Variants in DNAH17 observed in about 807,000 individuals in gnomAD.
The protein encoded by DNAH17 is dynein axonemal heavy chain 17, also known as axonemal beta dynein heavy chain 17.
Under a neutral mutation model 485.6 loss-of-function variants are expected in DNAH17, and 376 were observed. That is an observed-to-expected ratio of 0.77 (90% confidence interval 0.71 to 0.84). The LOEUF (loss-of-function observed/expected upper bound fraction) is 0.84. Ranked by LOEUF, DNAH17 falls within the 40% of genes least tolerant of loss-of-function variation. DNAH17 has a pLI of 0.00. For synonymous variants in DNAH17, 3,031 were observed against 2,405.9 expected (o/e 1.26, Z -7.60); for missense variants, 6,370 against 5,839.3 (o/e 1.09, Z -2.96).
At chr17:78,491,695 G>T (rs2089865384) in intron 42 of DNAH17, 125 bp from the exon 43 acceptor site, 11 of 1,417,938 alleles carry the variant, frequency 7.8e-6, no homozygotes, top group Non-Finnish European at 9.3e-6. Flanking sequence ...GAACAGCAGA[G>T]GCCCTCGGGC....
intron 56 of DNAH17, among the ~76,000 whole-genome samples, chr17:78,465,396 CT>C (rs1473916287): frequency 1.4e-5 from 2 of 143,434 alleles, no homozygotes; most frequent in Admixed American, 1.4e-4. Context: ...CGCCCATCAT[CT>C]GGGATGTGAG....
intron 56 of DNAH17, among the ~76,000 whole-genome samples, chr17:78,463,650 G>T (rs990251415): frequency 2.0e-5 from 3 of 152,256 alleles, no homozygotes; most frequent in Non-Finnish European, 2.9e-5. Context: ...ACAAGGCTGA[G>T]AATGTGTTTT....
intron 50 of DNAH17, 130 bp downstream of exon 50, chr17:78,479,355 T>A: frequency 8.0e-7 from 1 of 1,253,106 alleles, no homozygotes; most frequent in Non-Finnish European, 1.1e-6. Context: ...TGTCGAAACA[T>A]AGCATCGTTT....
At position 78,506,822 on chromosome 17, in the gene DNAH17, C is replaced by G; in HGVS notation, c.4701G>C (p.Leu1567Phe). The G allele has an allele frequency of 1.2e-6, 2 of 1,613,950 alleles. No individual in the cohort carries two copies. Among genetic ancestry groups the G allele is most frequent in the Non-Finnish European group, 1.7e-6 (2 of 1,179,860 alleles). Residue 1567 changes from leucine to phenylalanine, a missense_variant, in exon 30 of 81, where the codon TTG (leucine) becomes TTC (phenylalanine). Leu to Phe is a conservative substitution (Grantham distance 22, BLOSUM62 0). Coordinates refer to ENST00000389840, the MANE Select transcript of DNAH17 (RefSeq NM_173628.4). ...GTCTTTTCGTCTCTAAATACTCTGC[C>G]AAAGCCTTTTCACAGATGGCCAAGC... is the stretch of plus-strand genomic sequence containing the variant. The part of the protein sequence containing the change: ...KKSLAICEKA[L>F]AEYLETKRLA...
At chr17:78,466,496 G>A (rs564693673) in intron 56 of DNAH17, among the ~76,000 whole-genome samples, 159 bp downstream of exon 56, 1 of 152,302 alleles carries the variant, frequency 6.6e-6, no homozygotes, top group East Asian at 1.9e-4. Context: ...TTATCTTGAT[G>A]CCTGAGTTTC....
chr17:78,483,701 T>A (rs6501218), intron 48 of DNAH17, among the ~76,000 whole-genome samples: 113,788 of 151,548 alleles, frequency 0.75, 42,849 homozygotes, highest in Admixed American at 0.82. Context: ...TCAAGTAGAC[T>A]ACCTAACCCC....
chr17:78,496,711 G>C (rs1469527120), intron 37 of DNAH17: 1 of 125,466 alleles, frequency 8.0e-6, no homozygotes, highest in Non-Finnish European at 1.6e-5. Context: ...TCACTCTGTT[G>C]CCCAGGCTGG....
At chr17:78,501,956 A>G in intron 33 of DNAH17, 83 bp from the exon 34 acceptor site, 1 of 1,570,496 alleles carries the variant, frequency 6.4e-7, no homozygotes, top group South Asian at 1.1e-5. Context: ...CCACAGCTGC[A>G]TAGGGAACAC....
At chr17:78,474,568 T>C (rs1568110326) in intron 54 of DNAH17, among the ~76,000 whole-genome samples, 2 of 152,108 alleles carry the variant, frequency 1.3e-5, no homozygotes, top group Admixed American at 1.3e-4. Context: ...TAGGTAACAA[T>C]TTGGAACACT....
chr17:78,476,596 C>T lies in DNAH17; in HGVS notation c.8130G>A (p.Met2710Ile), dbSNP rs757548104. The T allele has an allele frequency of 5.6e-6, 9 of 1,610,912 alleles. No homozygotes were observed. The South Asian group carries it at 1.0e-4, about 18-fold the overall frequency. ...CATCAAAGAACTTCTTGGTGGAGGC[C>T]ATGGTGACTCTATGCAATGTTTCCT... ...KDQETLHRVT[M>I]ASTKKFFDDL... Residue 2710 changes from methionine to isoleucine, a missense_variant, in exon 52 of 81, where the codon ATG becomes ATA. Transcript: ENST00000389840.
chr17:78,503,202 T>C (rs1410846922), intron 31 of DNAH17, 191 bp from the exon 32 acceptor site: 1 of 509,938 alleles, frequency 2.0e-6, no homozygotes. Context: ...TTTTTTAAGA[T>C]GGAGTCTTGC....
chr17:78,528,079 A>C (rs1211774689), intron 22 of DNAH17, among the ~76,000 whole-genome samples: 1 of 151,976 alleles, frequency 6.6e-6, no homozygotes, highest in Non-Finnish European at 1.5e-5. Flanking sequence ...ACACCGGGCC[A>C]TAAAATATTT....
chr17:78,456,267 C>G (rs1455754476), intron 62 of DNAH17, among the ~76,000 whole-genome samples: 1 of 152,162 alleles, frequency 6.6e-6, no homozygotes, highest in Non-Finnish European at 1.5e-5. Flanking sequence ...CCACTGCATT[C>G]CAGCCTGGGT....
Position 78,476,544 on chromosome 17 carries a change from G to A in DNAH17, c.8154+28C>T, listed in dbSNP as rs371176332. 2.7e-5 allele frequency: 43 copies of A among 1,594,458 alleles called. No homozygotes were observed. The African/African-American group carries it at 3.8e-4, about 14-fold the overall frequency. On this transcript the variant is annotated intron_variant, in intron 52 of 80. Transcript: ENST00000389840. ...ACCCTCCTGGAGCCATTCTGGGCTC[G>A]GCAGAGGGACTGGGCAGCTTGACTT...
At chr17:78,508,414 C>T (rs989154873) in intron 27 of DNAH17, among the ~76,000 whole-genome samples, 8 of 152,206 alleles carry the variant, frequency 5.3e-5, no homozygotes, top group African/African-American at 1.7e-4. Context: ...CTACAACTTA[C>T]GCTTTCTGCA....
At chr17:78,484,687 C>T in intron 48 of DNAH17, 181 bp downstream of exon 48, 2 of 435,284 alleles carry the variant, frequency 4.6e-6, no homozygotes, top group Non-Finnish European at 7.8e-6. Context: ...CTTGTGGCCC[C>T]ACAAACTTGG....
In DNAH17 at chr17:78,486,849, A is replaced by G. The variant is rs544393658; in HGVS notation, c.6819-343T>C. On this transcript the variant is annotated intron_variant, in intron 44 of 80. Coordinates refer to ENST00000389840, the MANE Select transcript of DNAH17 (RefSeq NM_173628.4). ...TGGGGCAGAACAGAAAAGGAGAAAG[A>G]TCTCATGATGTCATGTGGGGGGCAC... Among the ~76,000 whole-genome samples, 10 of 152,254 alleles carry G rather than the reference A, an allele frequency of 6.6e-5. No homozygotes were observed. In the South Asian group the frequency reaches 2.1e-3, roughly 32 times the overall value.
Position 78,572,841 on chromosome 17 carries a change from C to T in DNAH17, c.399G>A (p.Val133=). The change falls in exon 3 of 81, where the codon GTG becomes GTA. Residue 133 remains valine (V), a synonymous_variant. Coordinates refer to ENST00000389840, the MANE Select transcript of DNAH17 (RefSeq NM_173628.4). Reference sequence around the variant, plus strand: ...CCTGCTTCACGATGTCTTCCGAGACCACCTGGGGCCATCCAGCCATGTTCT... The same window carrying T: ...CCTGCTTCACGATGTCTTCCGAGACTACCTGGGGCCATCCAGCCATGTTCT... ...QSENMAGWPQ[V]VSEDIVKQVH... 1.2e-6 allele frequency: 2 copies of T among 1,613,934 alleles called. No individual in the cohort carries two copies. The highest frequency in any genetic ancestry group is 1.1e-5 in the South Asian group (1 of 91,058).
At chr17:78,478,346 A>C (rs111067578) in intron 51 of DNAH17, among the ~76,000 whole-genome samples, 4,603 of 139,582 alleles carry the variant, frequency 0.033, 253 homozygotes, top group African/African-American at 0.12. Flanking sequence ...CCATCACATC[A>C]CCCACATCAC....
Sources: allele counts gnomAD v4.1 joint callset (sites outside exome capture counted in the v4.1 genomes callset), GRCh38; gene constraint gnomAD v4.1.1; transcripts MANE v1.5; gene names NCBI Gene and HGNC (gene_info 2026-07-23, HGNC 2026-07-21).